AMPD1: variants seen among roughly 807,000 people sequenced by gnomAD.
AMPD1 encodes the protein AMP deaminase 1.
Under a neutral mutation model 82.9 loss-of-function variants are expected in AMPD1, and 74 were observed. The observed-to-expected ratio is 0.89, with a 90% CI of 0.74 to 1.08. The LOEUF (loss-of-function observed/expected upper bound fraction) is 1.08, where lower values mean the gene tolerates loss of function less well. Among genes scored for constraint, AMPD1 ranks in the 50% least tolerant of loss-of-function variants. The probability of loss-of-function intolerance (pLI) is 0.00; values close to 1 mark genes in which losing one functional copy is unlikely to be tolerated. For synonymous variants in AMPD1, 333 were observed against 320.5 expected (o/e 1.04, Z -0.42); for missense variants, 881 against 924.5 (o/e 0.95, Z 0.61).
intron 5 of AMPD1, among the ~76,000 whole-genome samples, chr1:114,683,751 A>C (rs1658229942): frequency 6.6e-6 from 1 of 152,014 alleles, no homozygotes; most frequent in Non-Finnish European, 1.5e-5. Flanking sequence ...AACAAACAAA[A>C]TGTAGTTAGG....
intron 4 of AMPD1, among the ~76,000 whole-genome samples, chr1:114,685,063 T>G (rs964921623): frequency 6.6e-6 from 1 of 152,232 alleles, no homozygotes; most frequent in East Asian, 1.9e-4. Flanking sequence ...AATCACTGAA[T>G]GTTCATTATC....
In AMPD1 at chr1:114,674,783, T is replaced by C. The variant is rs757327861; in HGVS notation, c.1769A>G (p.Asp590Gly). 1 of 1,613,736 alleles carries C rather than the reference T, an allele frequency of 6.2e-7. No homozygotes were observed. Among genetic ancestry groups the C allele is most frequent in the East Asian group, 2.2e-5 (1 of 44,886 alleles). Residue 590 changes from aspartate to glycine, a missense_variant, in exon 13 of 16, where the codon GAT (aspartate) becomes GGT (glycine). Coordinates refer to ENST00000520113, the MANE Select transcript of AMPD1 (RefSeq NM_000036.3). ...TAAATTTAGGCCATGAGAGATATCA[T>C]CTGCTATCATGAATGCTGTCATGAG... The part of the protein sequence containing the change: ...THLMTAFMIA[D>G]DISHGLNLKK...
chr1:114,673,854 A>G, intron 14 of AMPD1, 55 bp downstream of exon 14: 1 of 1,598,834 alleles, frequency 6.3e-7, no homozygotes, highest in Non-Finnish European at 8.6e-7. Flanking sequence ...CAAATTCTGG[A>G]CGGGAAACAA....
chr1:114,678,465 C>G lies in AMPD1; in HGVS notation c.960G>C (p.Lys320Asn). Residue 320 changes from lysine (K) to asparagine (N), a missense_variant, in exon 8 of 16, where the codon AAG becomes AAC. By Grantham distance (94) the Lys-to-Asn change is moderately conservative (BLOSUM62 0). This residue lies in a region of AMPD1 where 783 missense variants were observed against 786.4 expected (regional missense o/e 1.00). Transcript: ENST00000520113. ...MNQKHLLRFI[K>N]KSYQIDADRV... is the part of the protein sequence containing the mutation. ...TGTCAGCATCAATTTGGTAAGATTT[C>G]TTAATAAAACGCAGCAGATGTTTCT... The G allele has an allele frequency of 6.2e-7, 1 of 1,614,144 alleles. No homozygotes were observed. Among genetic ancestry groups the G allele is most frequent in the Non-Finnish European group, 8.5e-7 (1 of 1,180,034 alleles).
At chr1:114,682,227 A>G (rs1286883123) in intron 5 of AMPD1, among the ~76,000 whole-genome samples, 1 of 151,972 alleles carries the variant, frequency 6.6e-6, no homozygotes, top group Non-Finnish European at 1.5e-5. Flanking sequence ...TAGCATAGGG[A>G]AAAAAAACAG....
chr1:114,688,981 C>T (rs1658429192), intron 2 of AMPD1: 1 of 719,128 alleles, frequency 1.4e-6, no homozygotes, highest in African/African-American at 1.7e-5. Context: ...TCAGAACAGT[C>T]CTAAAGATGG....
chr1:114,686,899 A>G lies in AMPD1; in HGVS notation c.227T>C (p.Phe76Ser), dbSNP rs1211064125. Residue 76 changes from phenylalanine (F) to serine (S), a missense_variant, in exon 4 of 16, where the codon TTC becomes TCC. Phe to Ser is a radical substitution (Grantham distance 155). Around this residue, in one of 2 missense-constraint regions of AMPD1, gnomAD observed 783 missense variants for 786.4 expected, o/e 1.00. Transcript: ENST00000520113. Reference protein sequence around the residue: ...TSTEARRKKRFQGRKTVNLSI... With the variant: ...TSTEARRKKRSQGRKTVNLSI... ...CAAATTAACAGTCTTCCGTCCTTGG[A>G]AACGCTTTTTTCTGGGTTCGAAATT... 1.9e-6 allele frequency: 3 copies of G among 1,614,098 alleles called. No homozygotes were observed. In the African/African-American group the frequency reaches 4.0e-5, roughly 22 times the overall value.
intron 2 of AMPD1, 69 bp from the exon 3 acceptor site, chr1:114,688,810 T>G (rs1166769770): frequency 6.4e-7 from 1 of 1,558,072 alleles, no homozygotes; most frequent in Non-Finnish European, 8.9e-7. Context: ...TTCTGCTATG[T>G]GTAAGGCATG....
At chr1:114,692,030 C>A (rs1359181763) in intron 2 of AMPD1, among the ~76,000 whole-genome samples, 1 of 152,184 alleles carries the variant, frequency 6.6e-6, no homozygotes, top group African/African-American at 2.4e-5. Flanking sequence ...TGTTCATCAT[C>A]ATAAAGGGGA....
At chr1:114,678,646 G>C in intron 7 of AMPD1, 119 bp from the exon 8 acceptor site, 2 of 947,454 alleles carry the variant, frequency 2.1e-6, no homozygotes, top group Non-Finnish European at 3.3e-6. Flanking sequence ...ATGAGGATGT[G>C]AGCTGACAGT....
chr1:114,682,611 C>T (rs1570845550), intron 5 of AMPD1, among the ~76,000 whole-genome samples: 1 of 151,328 alleles, frequency 6.6e-6, no homozygotes, highest in Non-Finnish European at 1.5e-5. Flanking sequence ...CGGAGTCTCC[C>T]TCTGTCGCCC....
At chr1:114,675,852 T>C (rs188698401) in intron 11 of AMPD1, 25 bp downstream of exon 11, 1 of 1,614,098 alleles carries the variant, frequency 6.2e-7, no homozygotes, top group East Asian at 2.2e-5. Context: ...AGCAGCAGTA[T>C]GAAGGCCTGA....
At chr1:114,683,436 C>T (rs1197256177) in intron 5 of AMPD1, among the ~76,000 whole-genome samples, 1 of 152,006 alleles carries the variant, frequency 6.6e-6, no homozygotes, top group East Asian at 1.9e-4. Context: ...GTTGAGTGTG[C>T]AAGTTCAAAA....
intron 2 of AMPD1, among the ~76,000 whole-genome samples, chr1:114,693,031 A>G (rs887860179): frequency 5.3e-5 from 8 of 151,696 alleles, no homozygotes; most frequent in Non-Finnish European, 8.8e-5. Flanking sequence ...AGGCTGAGGC[A>G]AGATAATTAG....
intron 2 of AMPD1, among the ~76,000 whole-genome samples, chr1:114,692,026 T>C (rs558848719): frequency 6.6e-6 from 1 of 152,334 alleles, no homozygotes; most frequent in South Asian, 2.1e-4. Context: ...ACAGTGTTCA[T>C]CATCATAAAG....
At chr1:114,679,236 C>T (rs1236144807) in intron 7 of AMPD1, among the ~76,000 whole-genome samples, 1 of 152,156 alleles carries the variant, frequency 6.6e-6, no homozygotes, top group Non-Finnish European at 1.5e-5. Flanking sequence ...TCCCTTCCTC[C>T]AAGGTCTTAC....
intron 10 of AMPD1, among the ~76,000 whole-genome samples, chr1:114,676,741 C>T (rs1016994349): frequency 2.0e-5 from 3 of 152,136 alleles, no homozygotes; most frequent in Non-Finnish European, 2.9e-5. Context: ...TGCAGTAGGT[C>T]ACACAGAACA....
At chr1:114,689,727 G>T (rs550228993) in intron 2 of AMPD1, among the ~76,000 whole-genome samples, 1 of 152,332 alleles carries the variant, frequency 6.6e-6, no homozygotes, top group East Asian at 1.9e-4. Flanking sequence ...TGAGGCAAGA[G>T]AATCATTTGA....
intron 2 of AMPD1, among the ~76,000 whole-genome samples, chr1:114,690,311 A>G (rs1187472623): frequency 6.6e-6 from 1 of 152,216 alleles, no homozygotes; most frequent in South Asian, 2.1e-4. Flanking sequence ...CTTAAGACAA[A>G]TAAAGCACCA....
Sources: allele counts gnomAD v4.1 joint callset (sites outside exome capture counted in the v4.1 genomes callset), GRCh38; gene constraint gnomAD v4.1.1; regional missense constraint gnomAD v4.1.1; transcripts MANE v1.5; gene names NCBI Gene and HGNC (gene_info 2026-07-23, HGNC 2026-07-21).